The following NAALADL2 variants were observed in gnomAD, a reference collection of about 807,000 sequenced individuals.
NAALADL2 encodes N-acetylated alpha-linked acidic dipeptidase like 2.
NAALADL2 carries 76 observed loss-of-function variants against 87.2 expected under a neutral mutation model. The observed-to-expected ratio is 0.87, with a 90% confidence interval of 0.72 to 1.05. The LOEUF (loss-of-function observed/expected upper bound fraction) is 1.05, where lower values mean the gene tolerates loss of function less well. Among genes scored for constraint, NAALADL2 ranks in the 50% least tolerant of loss-of-function variants. The pLI, the probability that NAALADL2 is intolerant of heterozygous loss-of-function variation, is 0.00. For missense variants in NAALADL2, 1,089 were observed against 945.8 expected (o/e 1.15, Z -1.99); for synonymous variants, 354 against 331.0 (o/e 1.07, Z -0.75).
chr3:175,251,689 C>G (rs1257330297), intron 3 of NAALADL2, among the ~76,000 whole-genome samples: 1 of 152,174 alleles, frequency 6.6e-6, no homozygotes, highest in African/African-American at 2.4e-5. Flanking sequence ...TTTATCATAT[C>G]ATTGTATATT....
intron 11 of NAALADL2, among the ~76,000 whole-genome samples, chr3:175,735,212 C>G (rs1452064766): frequency 6.6e-6 from 1 of 152,228 alleles, no homozygotes; most frequent in East Asian, 1.9e-4. Context: ...CAGTTCCCAA[C>G]AAGTTCCTTA....
chr3:174,681,990 G>C (rs1241638015), intron 2 of NAALADL2, among the ~76,000 whole-genome samples: 3 of 152,158 alleles, frequency 2.0e-5, no homozygotes, highest in African/African-American at 4.8e-5. Context: ...GTGAACATAA[G>C]TGGTAGCCAG....
intron 9 of NAALADL2, among the ~76,000 whole-genome samples, chr3:175,491,975 T>C (rs1560643291): frequency 6.6e-6 from 1 of 152,306 alleles, no homozygotes; most frequent in East Asian, 1.9e-4. Context: ...CTCAGCAAGG[T>C]TATCCATTGC....
chr3:174,859,556 C>CAGGG, intron 1 of NAALADL2, 106 bp downstream of exon 1: 2 of 834,786 alleles, frequency 2.4e-6, no homozygotes, highest in Non-Finnish European at 2.0e-6. Flanking sequence ...CGCATCCCTG[C>CAGGG]ATGCATGTTC....
intron 12 of NAALADL2, among the ~76,000 whole-genome samples, chr3:175,749,419 C>G (rs558047501): frequency 4.1e-4 from 63 of 152,212 alleles, no homozygotes; most frequent in African/African-American, 1.3e-3. Flanking sequence ...TCTCACTGTT[C>G]TGGAGGTTTG....
At position 174,514,726 on chromosome 3, in the gene NAALADL2, T is replaced by C. The variant is rs114728003; in HGVS notation, c.-183-35843T>C. Among the ~76,000 whole-genome samples the C allele has an allele frequency of 3.5e-3, 537 of 152,290 alleles. 3 individuals are homozygous for C. Among genetic ancestry groups the C allele is most frequent in the African/African-American group, 0.012 (491 of 41,574 alleles). ...TTTATAAATTTTTTTCTATTTTTCT[T>C]TGATCTAATGTATGATGTTTTATTA... is the stretch of plus-strand genomic sequence containing the variant. On this transcript the variant is annotated intron_variant, in intron 1 of 3. Coordinates refer to the NAALADL2 transcript ENST00000434257.
At chr3:175,310,043 C>T (rs999252051) in intron 4 of NAALADL2, among the ~76,000 whole-genome samples, 1 of 152,132 alleles carries the variant, frequency 6.6e-6, no homozygotes, top group Admixed American at 6.6e-5. Flanking sequence ...CTACTAGTAG[C>T]TTATAATATC....
chr3:175,265,367 T>C (rs1751749201), intron 4 of NAALADL2, among the ~76,000 whole-genome samples: 2 of 151,730 alleles, frequency 1.3e-5, no homozygotes, highest in South Asian at 2.1e-4. Flanking sequence ...GGTAAGATGG[T>C]GCTTAAGAAA....
At chr3:175,012,967 G>A (rs866238154) in intron 1 of NAALADL2, among the ~76,000 whole-genome samples, 2 of 126,992 alleles carry the variant, frequency 1.6e-5, no homozygotes, top group Non-Finnish European at 3.1e-5. Flanking sequence ...AGATGTGTGT[G>A]TATATATATA....
At chr3:175,406,732 T>C (rs1712453585) in intron 5 of NAALADL2, among the ~76,000 whole-genome samples, 1 of 152,134 alleles carries the variant, frequency 6.6e-6, no homozygotes, top group Non-Finnish European at 1.5e-5. Flanking sequence ...CTTTGTCTTT[T>C]ATTTTTGAAG....
At chr3:175,742,392 G>A (rs1053741609) in intron 12 of NAALADL2, among the ~76,000 whole-genome samples, 2 of 152,036 alleles carry the variant, frequency 1.3e-5, no homozygotes, top group Admixed American at 6.6e-5. Context: ...TTGTTTGTTT[G>A]TTTTGTTTGT....
chr3:175,174,573 A>G (rs112302143), intron 2 of NAALADL2, among the ~76,000 whole-genome samples: 9 of 152,228 alleles, frequency 5.9e-5, no homozygotes, highest in African/African-American at 2.2e-4. Context: ...AAAGACAAAA[A>G]TAAGTGTGTC....
chr3:174,646,350 A>G (rs1196161391), intron 2 of NAALADL2, among the ~76,000 whole-genome samples: 1 of 152,168 alleles, frequency 6.6e-6, no homozygotes, highest in African/African-American at 2.4e-5. Context: ...TAGATATACA[A>G]TAGAAAATAG....
At chr3:174,714,727 A>G (rs1228920848) in intron 2 of NAALADL2, among the ~76,000 whole-genome samples, 2 of 152,158 alleles carry the variant, frequency 1.3e-5, no homozygotes, top group Non-Finnish European at 2.9e-5. Context: ...TAGATATACA[A>G]TCATGTCATC....
At chr3:174,858,738 C>G (rs572811011), upstream of NAALADL2, among the ~76,000 whole-genome samples, 2 of 151,978 alleles carry the variant, frequency 1.3e-5, no homozygotes, top group South Asian at 4.2e-4. Context: ...GTCCATTATT[C>G]ACAGTGTTTA....
intron 2 of NAALADL2, among the ~76,000 whole-genome samples, chr3:175,202,245 C>CT (rs1364853456): frequency 4.6e-5 from 7 of 152,116 alleles, no homozygotes. Flanking sequence ...CCTTTGTCCA[C>CT]TGAGTATTGG....
intron 1 of NAALADL2, among the ~76,000 whole-genome samples, chr3:175,034,087 GC>G (rs1753112157): frequency 6.6e-6 from 1 of 151,990 alleles, no homozygotes; most frequent in Admixed American, 6.6e-5. Flanking sequence ...TTTCTCTCAT[GC>G]CATGTATAAT....
chr3:174,798,830 C>T (rs1718455226), intron 3 of NAALADL2, among the ~76,000 whole-genome samples: 3 of 151,772 alleles, frequency 2.0e-5, no homozygotes, highest in Admixed American at 1.3e-4. Flanking sequence ...TAGTGGATTC[C>T]TATGGATTTT....
intron 1 of NAALADL2, among the ~76,000 whole-genome samples, chr3:174,937,335 C>A (rs1263343960): frequency 7.2e-5 from 11 of 151,878 alleles, no homozygotes; most frequent in Admixed American, 7.2e-4. Context: ...CAGGGTAAGA[C>A]AGGTAAAGTG....
Sources: allele counts gnomAD v4.1 joint callset (sites outside exome capture counted in the v4.1 genomes callset), GRCh38; gene constraint gnomAD v4.1.1; transcripts MANE v1.5; gene names NCBI Gene and HGNC (gene_info 2026-07-23, HGNC 2026-07-21).